Variants in SUGCT observed in about 807,000 individuals in gnomAD.
The protein encoded by SUGCT is succinyl-CoA:glutarate CoA-transferase.
A neutral mutation model predicts 55.0 loss-of-function variants in SUGCT; 41 were observed. That is an observed-to-expected ratio of 0.74 (90% CI 0.58 to 0.97). The LOEUF (loss-of-function observed/expected upper bound fraction) is 0.97, where lower values mean the gene tolerates loss of function less well. SUGCT is among the 50% of genes least tolerant of loss of function. SUGCT has a pLI of 0.00. For missense variants in SUGCT, 568 were observed against 547.8 expected (o/e 1.04, Z -0.37); for synonymous variants, 187 against 200.4 (o/e 0.93, Z 0.56).
rs551570656 is a variant in SUGCT at position 40,388,476 on chromosome 7, C to T, written c.817-60811C>T. Among the ~76,000 whole-genome samples, 13 of 152,152 alleles carry T rather than the reference C, an allele frequency of 8.5e-5. No homozygotes were observed. In the South Asian group the frequency reaches 1.0e-3, roughly 12 times the overall value. On this transcript the variant is annotated intron_variant, in intron 9 of 13. Coordinates refer to ENST00000335693, the MANE Select transcript of SUGCT (RefSeq NM_001193313.2). ...TGTCGTCCAGGCTGGAGTGCAGCGG[C>T]GCGATCTTGGCTCACTGCAACCTCC...
chr7:40,466,431 A>G (rs1249923871), intron 11 of SUGCT, among the ~76,000 whole-genome samples: 1 of 152,188 alleles, frequency 6.6e-6, no homozygotes, highest in African/African-American at 2.4e-5. Context: ...CACAAGTTTT[A>G]GGAGCTTTTC....
In SUGCT at chr7:40,445,746, C is replaced by T. The variant is rs111847547; in HGVS notation, c.817-3541C>T. ...TGATGAACATCTATGCAAAAATCCT[C>T]AATAACATATTATTTTTTAAAGTTC... On this transcript the variant is annotated intron_variant, in intron 9 of 13. Coordinates refer to ENST00000335693, the MANE Select transcript of SUGCT (RefSeq NM_001193313.2). 1.6e-3 allele frequency among the ~76,000 whole-genome samples: 239 copies of T among 152,214 alleles called. 1 individual carries two copies. The highest frequency in any genetic ancestry group is 5.1e-3 in the African/African-American group (213 of 41,536).
intron 6 of SUGCT, among the ~76,000 whole-genome samples, chr7:40,226,035 G>A (rs1332185326): frequency 6.6e-6 from 1 of 152,056 alleles, no homozygotes; most frequent in African/African-American, 2.4e-5. Flanking sequence ...CTAAATTACT[G>A]CTATTAGTTG....
At position 40,737,975 on chromosome 7, in the gene SUGCT, G is replaced by A. The variant is rs139045047; in HGVS notation, c.1090-11459G>A. Among the ~76,000 whole-genome samples the A allele has an allele frequency of 5.5e-3, 831 of 151,400 alleles. 5 individuals carry two copies. Among genetic ancestry groups the A allele is most frequent in the African/African-American group, 0.018 (742 of 41,248 alleles). On this transcript the variant is annotated intron_variant, in intron 12 of 13. Coordinates refer to ENST00000335693, the MANE Select transcript of SUGCT (RefSeq NM_001193313.2). ...CGCAGAGGCTCATGCCTATAATCGC[G>A]CAGATCACGAGGTCAGGAGATCAAG...
chr7:40,861,590 A>C (rs1794486121), downstream of SUGCT, among the ~76,000 whole-genome samples: 1 of 152,222 alleles, frequency 6.6e-6, no homozygotes, highest in Non-Finnish European at 1.5e-5. Context: ...GCTGAATTAC[A>C]GATGTTCATC....
intron 12 of SUGCT, chr7:40,684,108 T>G: frequency 6.2e-7 from 1 of 1,610,832 alleles, no homozygotes; most frequent in South Asian, 1.1e-5. Flanking sequence ...CATGGCCCCT[T>G]CCTTCATCTT....
intron 13 of SUGCT, among the ~76,000 whole-genome samples, chr7:40,791,104 A>C (rs1452360361): frequency 6.6e-6 from 1 of 152,224 alleles, no homozygotes; most frequent in Admixed American, 6.5e-5. Context: ...AAAATTCATA[A>C]ACTTTCTCTA....
the SUGCT span, among the ~76,000 whole-genome samples, chr7:40,908,020 A>G: frequency 6.6e-6 from 1 of 152,152 alleles, no homozygotes; most frequent in Non-Finnish European, 1.5e-5. Context: ...TGGTAAGAAA[A>G]ATACTCACAT....
In SUGCT at chr7:40,255,016, C is replaced by T. The variant is rs147936022; in HGVS notation, c.576+17290C>T. The stretch of plus-strand genomic sequence containing the variant: ...GGGCGGGGGGAGCATCATCTGAGGT[C>T]GGGAGTTCGAGACCAGCCTGGCCAA... On this transcript the variant is annotated intron_variant, in intron 7 of 13. Coordinates refer to ENST00000335693, the MANE Select transcript of SUGCT (RefSeq NM_001193313.2). Among the ~76,000 whole-genome samples, 97 of 151,002 alleles carry T rather than the reference C, an allele frequency of 6.4e-4. 1 individual carries two copies. The highest frequency in any genetic ancestry group is 2.3e-3 in the African/African-American group (93 of 41,292).
At chr7:40,778,543 T>A (rs1789576252) in intron 13 of SUGCT, among the ~76,000 whole-genome samples, 1 of 152,244 alleles carries the variant, frequency 6.6e-6, no homozygotes, top group Non-Finnish European at 1.5e-5. Flanking sequence ...ATAATTTAAT[T>A]ATCTAAGAAT....
chr7:40,185,566 A>G (rs979033839), intron 3 of SUGCT, among the ~76,000 whole-genome samples: 35 of 152,016 alleles, frequency 2.3e-4, no homozygotes, highest in Non-Finnish European at 4.1e-4. Flanking sequence ...CTTCTTGCCC[A>G]GGCTGGAGTG....
chr7:40,347,542 A>C (rs1196458945), intron 9 of SUGCT, among the ~76,000 whole-genome samples: 1 of 152,214 alleles, frequency 6.6e-6, no homozygotes, highest in African/African-American at 2.4e-5. Context: ...GATGAATTGA[A>C]GAAAAATTGT....
intron 12 of SUGCT, among the ~76,000 whole-genome samples, chr7:40,652,982 T>TA (rs1396860169): frequency 6.6e-6 from 1 of 152,218 alleles, no homozygotes; most frequent in Non-Finnish European, 1.5e-5. Flanking sequence ...GCTTTTCCCT[T>TA]ACCTATTATA....
intron 9 of SUGCT, among the ~76,000 whole-genome samples, chr7:40,432,685 C>CAAACA (rs1787962967): frequency 1.7e-5 from 2 of 115,696 alleles, no homozygotes; most frequent in African/African-American, 6.4e-5. Flanking sequence ...GACTCCCTCT[C>CAAACA]AAAAAAAAAA....
intron 12 of SUGCT, among the ~76,000 whole-genome samples, chr7:40,513,563 T>C (rs1793062019): frequency 6.6e-6 from 1 of 152,136 alleles, no homozygotes; most frequent in African/African-American, 2.4e-5. Context: ...AGCCAGGACC[T>C]ACCTAACCTC....
chr7:40,203,893 A>G (rs1786772664), intron 6 of SUGCT, among the ~76,000 whole-genome samples: 1 of 152,200 alleles, frequency 6.6e-6, no homozygotes, highest in African/African-American at 2.4e-5. Context: ...TTTTCTGTAT[A>G]TATAATTTAA....
rs572789336 is a variant in SUGCT, at chr7:40,550,577, C to G, written c.1089+54191C>G. On this transcript the variant is annotated intron_variant, in intron 12 of 13. Coordinates refer to ENST00000335693, the MANE Select transcript of SUGCT (RefSeq NM_001193313.2). ...ATACATACAATATCCTTTCAGGGCT[C>G]TTATTCTGAGACTTATAACCAAAAG... 2.0e-5 allele frequency among the ~76,000 whole-genome samples: 3 copies of G among 152,312 alleles called. No individual in the cohort carries two copies. The South Asian group carries it at 6.2e-4, about 32-fold the overall frequency.
At chr7:40,242,934 T>TATATATATATATATATATA (rs1491495282) in intron 7 of SUGCT, among the ~76,000 whole-genome samples, 75 of 17,958 alleles carry the variant, frequency 4.2e-3, no homozygotes, top group South Asian at 7.7e-3. Flanking sequence ...TATATATATA[T>TATATATATATATATATATA]TTTTTTTTTT....
intron 7 of SUGCT, among the ~76,000 whole-genome samples, chr7:40,262,166 A>C (rs1791261437): frequency 2.0e-5 from 3 of 152,124 alleles, no homozygotes; most frequent in Non-Finnish European, 4.4e-5. Context: ...GTATTTTTCA[A>C]TGTAGGCTGC....
Sources: allele counts gnomAD v4.1 joint callset (sites outside exome capture counted in the v4.1 genomes callset), GRCh38; gene constraint gnomAD v4.1.1; transcripts MANE v1.5; gene names NCBI Gene and HGNC (gene_info 2026-07-23, HGNC 2026-07-21).